The following WASF3 variants were observed in gnomAD, a reference collection of about 807,000 sequenced individuals.
The protein encoded by WASF3 is actin-binding protein WASF3.
A neutral mutation model predicts 46.6 loss-of-function variants in WASF3; 11 were observed. The observed-to-expected ratio is 0.24, with a 90% CI of 0.15 to 0.39. The LOEUF is 0.39. Ranked by LOEUF, WASF3 falls within the 10% of genes least tolerant of loss-of-function variation. The pLI is 1.00. For synonymous variants in WASF3, 242 were observed against 259.7 expected, an observed-to-expected ratio of 0.93 and a Z score of 0.65; for missense variants, 576 against 669.8, an observed-to-expected ratio of 0.86 and a Z score of 1.55.
intron 1 of WASF3, among the ~76,000 whole-genome samples, chr13:26,590,924 A>G (rs906142341): frequency 1.3e-5 from 2 of 152,208 alleles, no homozygotes; most frequent in Admixed American, 1.3e-4. Context: ...GAACTAAATC[A>G]TTTAAAAAGG....
chr13:26,680,999 C>G, intron 7 of WASF3, 55 bp from the exon 8 acceptor site: 1 of 1,556,752 alleles, frequency 6.4e-7, no homozygotes, highest in South Asian at 1.2e-5. Flanking sequence ...TGCCTGTTAG[C>G]CGACAATTTT....
chr13:26,557,822 G>T lies in WASF3; in HGVS notation c.-109+3G>T. The T allele has an allele frequency of 3.3e-6, 1 of 302,718 alleles. No individual in the cohort carries two copies. Among genetic ancestry groups the T allele is most frequent in the South Asian group, 1.4e-4 (1 of 7,074 alleles). The allele number at this position is 302,718 out of a possible 1,614,324, so 18.8% of individuals were successfully genotyped here. On this transcript the variant is annotated splice_donor_region_variant and intron_variant, in intron 1 of 9. Transcript: ENST00000335327. Reference sequence around the variant, plus strand: ...GCCGGCGGCGGGACCGCGGACCGGTGAGTGAGGGCTGCGGTCGCCCCGGCT... The same window carrying T: ...GCCGGCGGCGGGACCGCGGACCGGTTAGTGAGGGCTGCGGTCGCCCCGGCT...
intron 1 of WASF3, among the ~76,000 whole-genome samples, chr13:26,560,207 A>T (rs1419965114): frequency 2.0e-5 from 3 of 152,072 alleles, no homozygotes; most frequent in East Asian, 3.9e-4. Context: ...GGGCATGTGG[A>T]ACTAAATGCT....
intron 1 of WASF3, among the ~76,000 whole-genome samples, chr13:26,611,447 C>T (rs115856340): frequency 0.017 from 2,568 of 152,276 alleles, 37 homozygotes; most frequent in African/African-American, 0.045. Context: ...AGAGTTAACA[C>T]GTGATTCTTA....
chr13:26,676,708 C>A lies in WASF3; in HGVS notation c.700C>A (p.Leu234Met). 1 of 1,613,910 alleles carries A rather than the reference C, an allele frequency of 6.2e-7. No homozygotes were observed. Among genetic ancestry groups the A allele is most frequent in the Non-Finnish European group, 8.5e-7 (1 of 1,179,892 alleles). Reference sequence around the variant, plus strand: ...CCATGGAGCGTCTTCCGAGGGATCCCTGTCCCCAGATACTAGGTGTGTGTG... The same window carrying A: ...CCATGGAGCGTCTTCCGAGGGATCCATGTCCCCAGATACTAGGTGTGTGTG... ...VYHGASSEGS[L>M]SPDTRSHASD... Residue 234 changes from leucine to methionine, a missense_variant, in exon 7 of 10, where the codon CTG (leucine) becomes ATG (methionine). Leu to Met is a conservative substitution (Grantham distance 15). Around this residue, in one of 3 missense-constraint regions of WASF3, gnomAD observed 295 missense variants for 291.5 expected, o/e 1.01. Coordinates refer to ENST00000335327, the MANE Select transcript of WASF3 (RefSeq NM_006646.6).
chr13:26,663,929 T>A (rs1236805352), intron 3 of WASF3, among the ~76,000 whole-genome samples: 2 of 152,230 alleles, frequency 1.3e-5, no homozygotes, highest in African/African-American at 4.8e-5. Flanking sequence ...ATCACCTTTC[T>A]GATCCTCTGT....
chr13:26,645,420 T>C (rs1488230674), intron 3 of WASF3, among the ~76,000 whole-genome samples: 6 of 152,198 alleles, frequency 3.9e-5, no homozygotes, highest in Non-Finnish European at 7.3e-5. Flanking sequence ...TCTTCTGTCA[T>C]AGTAGCTCAA....
At chr13:26,548,157 T>C in the WASF3 span, among the ~76,000 whole-genome samples, 1 of 152,196 alleles carries the variant, frequency 6.6e-6, no homozygotes, top group African/African-American at 2.4e-5. Context: ...ATTTCTATGT[T>C]TTCATTTATA....
chr13:26,545,630 T>C, the WASF3 span, among the ~76,000 whole-genome samples: 4 of 152,194 alleles, frequency 2.6e-5, no homozygotes, highest in African/African-American at 9.6e-5. Context: ...TTTAGAGACA[T>C]GGCTTCACAC....
intron 2 of WASF3, among the ~76,000 whole-genome samples, chr13:26,634,257 C>T (rs899228204): frequency 6.6e-6 from 1 of 152,178 alleles, no homozygotes; most frequent in Non-Finnish European, 1.5e-5. Flanking sequence ...TTCTTTGTCT[C>T]TTTTGATCTT....
chr13:26,668,123 A>G (rs1057127853), intron 5 of WASF3, among the ~76,000 whole-genome samples: 3 of 152,174 alleles, frequency 2.0e-5, no homozygotes, highest in Non-Finnish European at 4.4e-5. Flanking sequence ...AGGGGTTTTG[A>G]AGAGTGAAAA....
At chr13:26,611,087 G>A (rs1193475423) in intron 1 of WASF3, among the ~76,000 whole-genome samples, 1 of 140,810 alleles carries the variant, frequency 7.1e-6, no homozygotes, top group Non-Finnish European at 1.5e-5. Context: ...GCCCAAGCTG[G>A]TCTCAAACTC....
intron 3 of WASF3, among the ~76,000 whole-genome samples, chr13:26,661,407 A>G (rs929585286): frequency 1.3e-5 from 2 of 152,188 alleles, no homozygotes; most frequent in Non-Finnish European, 2.9e-5. Flanking sequence ...GCTTAGCCTA[A>G]TGTCATCCTC....
the WASF3 span, among the ~76,000 whole-genome samples, chr13:26,549,659 T>C: frequency 5.3e-5 from 8 of 152,334 alleles, no homozygotes; most frequent in Non-Finnish European, 1.2e-4. Context: ...CTTAGATGAC[T>C]CATCTGTCAA....
intron 1 of WASF3, among the ~76,000 whole-genome samples, chr13:26,590,950 AC>A (rs1247435797): frequency 1.3e-5 from 2 of 152,152 alleles, no homozygotes; most frequent in Admixed American, 1.3e-4. Flanking sequence ...GAGGTTCAGG[AC>A]TTGCAGTTTT....
chr13:26,622,951 C>T lies in WASF3; in HGVS notation c.-11+9893C>T, dbSNP rs181280154. On this transcript the variant is annotated intron_variant, in intron 2 of 9. Coordinates refer to ENST00000335327, the MANE Select transcript of WASF3 (RefSeq NM_006646.6). ...CTTCTATTTTAAGAAACAAAAAAGG[C>T]CAGATTATCTAGAAAGCAATAACTT... Among the ~76,000 whole-genome samples the T allele has an allele frequency of 2.4e-3, 361 of 152,248 alleles. 2 individuals are homozygous for T. Among genetic ancestry groups the T allele is most frequent in the Non-Finnish European group, 4.2e-3 (289 of 68,014 alleles).
chr13:26,602,144 A>T (rs1203848759), intron 1 of WASF3, among the ~76,000 whole-genome samples: 3 of 152,176 alleles, frequency 2.0e-5, no homozygotes, highest in African/African-American at 4.8e-5. Context: ...CAAGGTCCAG[A>T]GCTTTTCGAT....
At chr13:26,552,248 A>C in the WASF3 span, among the ~76,000 whole-genome samples, 1 of 152,232 alleles carries the variant, frequency 6.6e-6, no homozygotes, top group African/African-American at 2.4e-5. Context: ...CATATCCAAT[A>C]GATGTTATGA....
At chr13:26,559,608 A>G (rs886426013) in intron 1 of WASF3, among the ~76,000 whole-genome samples, 2 of 152,008 alleles carry the variant, frequency 1.3e-5, no homozygotes, top group African/African-American at 4.8e-5. Flanking sequence ...GGTTATTGGG[A>G]TGTTTTGATT....
Sources: gnomAD v4.1 joint callset for allele counts (sites outside exome capture counted in the v4.1 genomes callset) on GRCh38, gnomAD v4.1.1 for gene constraint, gnomAD v4.1.1 regional missense constraint, MANE v1.5 for transcripts, NCBI Gene and HGNC (gene_info 2026-07-23, HGNC 2026-07-21) for gene names.